The following TMEM132D variants were observed in gnomAD, a reference collection of about 807,000 sequenced individuals.
TMEM132D encodes mature OL transmembrane protein.
In TMEM132D, 21 loss-of-function variants were observed where a neutral mutation model predicts 62.3. The observed-to-expected ratio is 0.34, with a 90% CI of 0.24 to 0.49. The LOEUF (loss-of-function observed/expected upper bound fraction) is 0.49, where lower values mean the gene tolerates loss of function less well. Among genes scored for constraint, TMEM132D ranks in the 20% least tolerant of loss-of-function variants. The pLI, the probability that TMEM132D is intolerant of heterozygous loss-of-function variation, is 0.99. For missense variants in TMEM132D, 1,346 were observed against 1,402.8 expected (o/e 0.96, Z 0.65); for synonymous variants, 621 against 575.6 (o/e 1.08, Z -1.13).
intron 1 of TMEM132D, among the ~76,000 whole-genome samples, chr12:129,895,192 C>T (rs1875066369): frequency 6.6e-6 from 1 of 152,228 alleles, no homozygotes; most frequent in African/African-American, 2.4e-5. Context: ...AGGTACACGT[C>T]ACCGTTGTGT....
chr12:129,265,247 A>T (rs765222638), intron 4 of TMEM132D, among the ~76,000 whole-genome samples: 38 of 152,082 alleles, frequency 2.5e-4, no homozygotes, highest in Non-Finnish European at 4.6e-4. Context: ...AAACAGAGTT[A>T]CTCCCATCAG....
At chr12:129,130,492 G>T (rs1048516056) in intron 5 of TMEM132D, among the ~76,000 whole-genome samples, 1 of 152,140 alleles carries the variant, frequency 6.6e-6, no homozygotes, top group African/African-American at 2.4e-5. Flanking sequence ...ACCACCGTCC[G>T]CGGTCTGCTG....
chr12:129,573,129 CA>C (rs1853537131), intron 2 of TMEM132D, among the ~76,000 whole-genome samples: 1 of 152,128 alleles, frequency 6.6e-6, no homozygotes, highest in Non-Finnish European at 1.5e-5. Flanking sequence ...ACTGCACAGC[CA>C]GGGGCAGCCA....
At chr12:129,336,575 G>A (rs544312219) in intron 4 of TMEM132D, among the ~76,000 whole-genome samples, 2,296 of 143,646 alleles carry the variant, frequency 0.016, 57 homozygotes, top group African/African-American at 0.059. Flanking sequence ...CCGTCAAAAA[G>A]AAAAAAAAAA....
chr12:129,400,476 G>T (rs778919642), intron 3 of TMEM132D, among the ~76,000 whole-genome samples: 40 of 152,158 alleles, frequency 2.6e-4, no homozygotes, highest in Non-Finnish European at 1.2e-4. Context: ...AAAGAGGGAT[G>T]AGGAAAGGGC....
intron 2 of TMEM132D, among the ~76,000 whole-genome samples, chr12:129,696,491 G>A (rs114144548): frequency 0.016 from 2,385 of 152,238 alleles, 81 homozygotes; most frequent in African/African-American, 0.053. Flanking sequence ...TAGGCCCCCC[G>A]GCTGACTGTT....
chr12:129,255,604 A>G (rs1261921551), intron 4 of TMEM132D, among the ~76,000 whole-genome samples: 1 of 152,176 alleles, frequency 6.6e-6, no homozygotes, highest in Non-Finnish European at 1.5e-5. Context: ...GGTACATAAA[A>G]TATTTTGTTT....
At chr12:129,723,602 GCT>G (rs1868922551) in intron 1 of TMEM132D, among the ~76,000 whole-genome samples, 1 of 152,194 alleles carries the variant, frequency 6.6e-6, no homozygotes, top group Admixed American at 6.5e-5. Context: ...TTCCTCCATG[GCT>G]CTGTCCTCAC....
At chr12:129,777,296 G>A (rs767785464) in intron 1 of TMEM132D, among the ~76,000 whole-genome samples, 1 of 152,212 alleles carries the variant, frequency 6.6e-6, no homozygotes, top group Non-Finnish European at 1.5e-5. Context: ...CCTACTCGTT[G>A]TCAAGAAGCC....
intron 2 of TMEM132D, among the ~76,000 whole-genome samples, chr12:129,661,174 C>A (rs934039457): frequency 6.6e-6 from 1 of 152,034 alleles, no homozygotes; most frequent in Non-Finnish European, 1.5e-5. Flanking sequence ...CCTGGGCTAA[C>A]GGGACCTCCC....
intron 5 of TMEM132D, among the ~76,000 whole-genome samples, chr12:129,107,584 T>C (rs556939225): frequency 6.6e-6 from 1 of 152,338 alleles, no homozygotes; most frequent in African/African-American, 2.4e-5. Context: ...TGATTAACCC[T>C]GAGTTTACAT....
At chr12:129,428,958 T>G (rs1435878583) in intron 3 of TMEM132D, among the ~76,000 whole-genome samples, 1 of 152,230 alleles carries the variant, frequency 6.6e-6, no homozygotes, top group East Asian at 1.9e-4. Context: ...TTAGTTGCAC[T>G]AAGCAGTTTA....
intron 3 of TMEM132D, among the ~76,000 whole-genome samples, chr12:129,501,540 T>A (rs959745706): frequency 3.3e-5 from 5 of 152,248 alleles, no homozygotes; most frequent in African/African-American, 9.6e-5. Context: ...GGGTGTCACT[T>A]TGTTGCCTAG....
At chr12:129,135,233 G>A (rs1267192164) in intron 5 of TMEM132D, among the ~76,000 whole-genome samples, 2 of 152,190 alleles carry the variant, frequency 1.3e-5, no homozygotes, top group African/African-American at 2.4e-5. Context: ...TCTGCCTGCA[G>A]TTTGGATATA....
At chr12:129,673,753 C>A (rs1168210366) in intron 2 of TMEM132D, among the ~76,000 whole-genome samples, 7 of 152,176 alleles carry the variant, frequency 4.6e-5, no homozygotes, top group Admixed American at 4.6e-4. Flanking sequence ...TCCTGCTTCT[C>A]CTGGAAAAAC....
chr12:129,452,833 T>TA (rs2135727661), intron 3 of TMEM132D, among the ~76,000 whole-genome samples: 1 of 152,332 alleles, frequency 6.6e-6, no homozygotes, highest in African/African-American at 2.4e-5. Context: ...TTAAATCAGG[T>TA]ATAACATATA....
chr12:129,707,749 C>T lies in TMEM132D; in HGVS notation c.80-7051G>A, dbSNP rs116708756. ...TTCTGTCTTTATCAATTCATGGTATCATTCCCAACACAGATATTTGCGCTG... is the reference window on the plus strand; with the variant it reads ...TTCTGTCTTTATCAATTCATGGTATTATTCCCAACACAGATATTTGCGCTG... On this transcript the variant is annotated intron_variant, in intron 1 of 8. Transcript: ENST00000422113. Among the ~76,000 whole-genome samples the T allele has an allele frequency of 1.3e-3, 198 of 152,262 alleles. 2 individuals carry two copies. The highest frequency in any genetic ancestry group is 4.6e-3 in the African/African-American group (193 of 41,554).
chr12:129,663,219 C>A (rs1480082443), intron 2 of TMEM132D, among the ~76,000 whole-genome samples: 1 of 152,172 alleles, frequency 6.6e-6, no homozygotes, highest in African/African-American at 2.4e-5. Flanking sequence ...CTCTCCGCAG[C>A]CTCCACCTCC....
chr12:129,899,431 A>ATGGATGGG (rs1491143939), intron 1 of TMEM132D, among the ~76,000 whole-genome samples: 1 of 146,308 alleles, frequency 6.8e-6, no homozygotes, highest in African/African-American at 2.5e-5. Flanking sequence ...GGATGGATGG[A>ATGGATGGG]TGGATGGGTG....
Sources: gnomAD v4.1 joint callset for allele counts (sites outside exome capture counted in the v4.1 genomes callset) on GRCh38, gnomAD v4.1.1 for gene constraint, MANE v1.5 for transcripts, NCBI Gene and HGNC (gene_info 2026-07-23, HGNC 2026-07-21) for gene names.